Variants in MARCHF8 observed in about 807,000 individuals in gnomAD.
MARCHF8 encodes the protein membrane associated ring-CH-type finger 8.
MARCHF8 carries 40 observed loss-of-function variants against 51.6 expected under a neutral mutation model. That is an observed-to-expected ratio of 0.77 (90% CI 0.60 to 1.01). The LOEUF is 1.01. MARCHF8 is among the 50% of genes least tolerant of loss of function. The probability of loss-of-function intolerance (pLI) is 0.00; values close to 1 mark genes in which losing one functional copy is unlikely to be tolerated. For synonymous variants in MARCHF8, 263 were observed against 280.3 expected (o/e 0.94, Z 0.62); for missense variants, 685 against 708.6 (o/e 0.97, Z 0.38).
At chr10:45,463,097 G>A in intron 5 of MARCHF8, 54 bp downstream of exon 5, 7 of 1,495,912 alleles carry the variant, frequency 4.7e-6, no homozygotes, top group African/African-American at 4.2e-5. Flanking sequence ...AAAGCAAGAG[G>A]AGGTTCCTGA....
intron 1 of MARCHF8, among the ~76,000 whole-genome samples, chr10:45,562,741 G>A (rs1364875245): frequency 6.6e-6 from 1 of 152,120 alleles, no homozygotes; most frequent in East Asian, 1.9e-4. Flanking sequence ...TGACATTCAA[G>A]TATTAAACAC....
intron 2 of MARCHF8, among the ~76,000 whole-genome samples, chr10:45,529,398 G>C (rs1028298975): frequency 1.3e-5 from 2 of 152,116 alleles, no homozygotes; most frequent in African/African-American, 4.8e-5. Flanking sequence ...AAACTCTTCT[G>C]GACATTGGCC....
intron 3 of MARCHF8, among the ~76,000 whole-genome samples, chr10:45,472,011 C>T (rs545091310): frequency 6.6e-6 from 1 of 152,240 alleles, no homozygotes; most frequent in Non-Finnish European, 1.5e-5. Flanking sequence ...CCAGCCCTGG[C>T]CCAAGATGCA....
At chr10:45,594,402 G>A (rs2044713822) in exon 1 of MARCHF8, 1 of 152,268 alleles carries the variant, frequency 6.6e-6, no homozygotes, top group Non-Finnish European at 1.5e-5. Context: ...GTCAGGGAAA[G>A]GAATTCACCT....
intron 2 of MARCHF8, among the ~76,000 whole-genome samples, chr10:45,508,875 A>C (rs1202982094): frequency 1.3e-5 from 2 of 152,178 alleles, no homozygotes; most frequent in African/African-American, 4.8e-5. Context: ...ATGTCACAGA[A>C]ACCAGATTTC....
intron 1 of MARCHF8, among the ~76,000 whole-genome samples, chr10:45,541,055 G>C (rs1412719427): frequency 6.6e-6 from 1 of 152,136 alleles, no homozygotes; most frequent in Non-Finnish European, 1.5e-5. Context: ...TTGACCCAGT[G>C]ATCCCATTAC....
At chr10:45,525,570 A>C (rs998476758) in intron 2 of MARCHF8, among the ~76,000 whole-genome samples, 4 of 152,204 alleles carry the variant, frequency 2.6e-5, no homozygotes, top group African/African-American at 9.6e-5. Flanking sequence ...CCATTCTTTA[A>C]AGTGGGCTAT....
intron 1 of MARCHF8, among the ~76,000 whole-genome samples, chr10:45,579,223 GA>G (rs1337756312): frequency 6.6e-6 from 1 of 152,152 alleles, no homozygotes; most frequent in East Asian, 1.9e-4. Flanking sequence ...AAGAAAGGGG[GA>G]AAGAGTGATA....
chr10:45,458,287 A>G lies in MARCHF8; in HGVS notation c.1674T>C (p.Ser558=), dbSNP rs1245701842. 6.2e-7 allele frequency: 1 copy of G among 1,614,072 alleles called. No homozygotes were observed. Among genetic ancestry groups the G allele is most frequent in the Non-Finnish European group, 8.5e-7 (1 of 1,180,004 alleles). Residue 558 remains serine (S), a synonymous_variant, in exon 8 of 8, where the codon TCT becomes TCC. Transcript: ENST00000453424. ...YGICHSDTNS[S]CCTEPEDTGA... ...CAGTGTCTTCAGGCTCTGTGCAACAAGAAGAGTTTGTGTCGGAATGACAGA... is the reference window on the plus strand; with the variant it reads ...CAGTGTCTTCAGGCTCTGTGCAACAGGAAGAGTTTGTGTCGGAATGACAGA...
chr10:45,565,852 C>T (rs2044358421), intron 1 of MARCHF8, among the ~76,000 whole-genome samples: 1 of 152,176 alleles, frequency 6.6e-6, no homozygotes, highest in Non-Finnish European at 1.5e-5. Flanking sequence ...CTGAGCAATA[C>T]ATAATCTTGT....
chr10:45,589,772 T>C (rs2044657701), intron 1 of MARCHF8, among the ~76,000 whole-genome samples: 2 of 152,250 alleles, frequency 1.3e-5, no homozygotes, highest in African/African-American at 4.8e-5. Context: ...TGAATAATAG[T>C]CCACTGCATG....
chr10:45,556,288 C>T (rs900904354), intron 1 of MARCHF8, among the ~76,000 whole-genome samples: 1 of 152,142 alleles, frequency 6.6e-6, no homozygotes, highest in Non-Finnish European at 1.5e-5. Context: ...CAAACACACA[C>T]ACAAAACTGT....
At chr10:45,582,694 T>C (rs1229771465) in intron 1 of MARCHF8, among the ~76,000 whole-genome samples, 3 of 152,218 alleles carry the variant, frequency 2.0e-5, no homozygotes, top group African/African-American at 4.8e-5. Flanking sequence ...TATCAAGTTG[T>C]ACAGATGTTG....
intron 2 of MARCHF8, among the ~76,000 whole-genome samples, chr10:45,504,311 G>A (rs1564489766): frequency 6.6e-6 from 1 of 152,172 alleles, no homozygotes; most frequent in Non-Finnish European, 1.5e-5. Flanking sequence ...GGGCAAGGTG[G>A]CACATGCCTG....
chr10:45,502,051 GAC>G (rs1002114663), intron 2 of MARCHF8, among the ~76,000 whole-genome samples: 1 of 152,046 alleles, frequency 6.6e-6, no homozygotes, highest in Non-Finnish European at 1.5e-5. Context: ...AAAATAAAAT[GAC>G]AGTTATCCTG....
chr10:45,525,509 C>A (rs943468967), intron 2 of MARCHF8, among the ~76,000 whole-genome samples: 3 of 152,162 alleles, frequency 2.0e-5, no homozygotes, highest in Admixed American at 2.0e-4. Flanking sequence ...TAGAAGAATT[C>A]CAGATAATTC....
intron 2 of MARCHF8, among the ~76,000 whole-genome samples, chr10:45,515,010 G>A (rs1248176948): frequency 1.3e-5 from 2 of 152,146 alleles, no homozygotes; most frequent in African/African-American, 2.4e-5. Context: ...GGAGCTCTGC[G>A]TATCAATGCC....
At chr10:45,526,042 C>G (rs2043787185) in intron 2 of MARCHF8, among the ~76,000 whole-genome samples, 1 of 151,422 alleles carries the variant, frequency 6.6e-6, no homozygotes, top group Non-Finnish European at 1.5e-5. Flanking sequence ...ATAATGTATT[C>G]ATATTAGTTC....
At chr10:45,498,864 T>TAA (rs2043225471) in intron 2 of MARCHF8, among the ~76,000 whole-genome samples, 1 of 152,362 alleles carries the variant, frequency 6.6e-6, no homozygotes, top group African/African-American at 2.4e-5. Flanking sequence ...GATGGACACT[T>TAA]GTATTGCTTC....
Sources: gnomAD v4.1 joint callset for allele counts (sites outside exome capture counted in the v4.1 genomes callset) on GRCh38, gnomAD v4.1.1 for gene constraint, MANE v1.5 for transcripts, NCBI Gene and HGNC (gene_info 2026-07-23, HGNC 2026-07-21) for gene names.